PCDHGA5: variants seen among roughly 807,000 people sequenced by gnomAD.
PCDHGA5 encodes protocadherin gamma-A5.
PCDHGA5 carries 36 observed loss-of-function variants against 56.7 expected under a neutral mutation model. The observed-to-expected ratio is 0.64, with a 90% CI of 0.49 to 0.84. The LOEUF (loss-of-function observed/expected upper bound fraction) is 0.84. PCDHGA5 is among the 40% of genes least tolerant of loss of function. PCDHGA5 has a pLI of 0.00. For synonymous variants in PCDHGA5, 563 were observed against 520.2 expected (o/e 1.08, Z -1.12); for missense variants, 1,305 against 1,201.5 (o/e 1.09, Z -1.27).
chr5:141,365,669 G>A lies in PCDHGA5; in HGVS notation c.1339G>A (p.Asp447Asn), dbSNP rs1304025932. The A allele has an allele frequency of 1.2e-6, 2 of 1,613,344 alleles. No homozygotes were observed. The highest frequency in any genetic ancestry group is 3.3e-5 in the Admixed American group (2 of 59,976). Residue 447 changes from aspartate to asparagine, a missense_variant, in exon 1 of 4, where the codon GAC (aspartate) becomes AAC (asparagine). By Grantham distance (23) the Asp-to-Asn change is conservative (BLOSUM62 1). Coordinates refer to ENST00000518069, the MANE Select transcript of PCDHGA5 (RefSeq NM_018918.3). ...CCCCTTGAAAGTAGCAGACGTTAAT[G>A]ACAACCCACCCAATTTCCCTCAAGC... ...HIPLKVADVN[D>N]NPPNFPQASY...
In PCDHGA5 at chr5:141,365,803, G is replaced by A. The variant is rs138451800; in HGVS notation, c.1473G>A (p.Leu491=). The change falls in exon 1 of 4, where the codon CTG becomes CTA. Residue 491 remains leucine, a synonymous_variant. Coordinates refer to ENST00000518069, the MANE Select transcript of PCDHGA5 (RefSeq NM_018918.3). ...SGDNARVTYS[L]AEDTFQGAPL... ...ACAACGCTCGAGTCACCTACTCCCT[G>A]GCTGAAGACACATTTCAGGGGGCGC... 8,384 of 1,613,862 alleles carry A rather than the reference G, an allele frequency of 5.2e-3. 46 individuals are homozygous for A. Among genetic ancestry groups the A allele is most frequent in the Admixed American group, 9.4e-3 (566 of 60,014 alleles).
chr5:141,394,104 C>T (rs761567726), intron 1 of PCDHGA5: 1 of 1,613,824 alleles, frequency 6.2e-7, no homozygotes, highest in African/African-American at 1.3e-5. Flanking sequence ...AGGAACACCA[C>T]CTCTGTCCAC....
At chr5:141,502,542 A>G (rs2099814957) in intron 2 of PCDHGA5, among the ~76,000 whole-genome samples, 1 of 152,216 alleles carries the variant, frequency 6.6e-6, no homozygotes, top group Admixed American at 6.5e-5. Context: ...TTCGTGTGGT[A>G]AAAACAGTGT....
chr5:141,386,043 T>A (rs1356183154), intron 1 of PCDHGA5: 7 of 152,254 alleles, frequency 4.6e-5, no homozygotes, highest in Admixed American at 1.3e-4. Context: ...GGCAATTACA[T>A]GTTTTAACAG....
At chr5:141,409,351 G>A (rs756967611) in intron 1 of PCDHGA5, 7 of 1,613,982 alleles carry the variant, frequency 4.3e-6, no homozygotes, top group Non-Finnish European at 5.9e-6. Flanking sequence ...GAGAAGTCAG[G>A]TGTAATATAG....
At chr5:141,423,360 G>A (rs762976655) in intron 1 of PCDHGA5, 1 of 1,614,224 alleles carries the variant, frequency 6.2e-7, no homozygotes, top group Non-Finnish European at 8.5e-7. Context: ...TTGTCATCGT[G>A]CTGCTGGCAC....
chr5:141,511,230 C>A lies in PCDHGA5; in HGVS notation c.*57C>A. On this transcript the variant is annotated 3_prime_UTR_variant, in exon 4 of 4. Transcript: ENST00000518069. ...CCTCTCCCCAACCAGCCCAGCTTCT[C>A]CTTACCTGCACCCAGGCCTCAGAGT... 6.3e-7 allele frequency: 1 copy of A among 1,597,914 alleles called. No homozygotes were observed. The highest frequency in any genetic ancestry group is 1.1e-5 in the South Asian group (1 of 89,144).
At position 141,479,006 on chromosome 5, in the gene PCDHGA5, T is replaced by C. The variant is rs148063283; in HGVS notation, c.2422-15801T>C. On this transcript the variant is annotated intron_variant, in intron 1 of 3. Transcript: ENST00000518069. ...ACATTTGTATTAAAACTAATAGCTT[T>C]TTGATAATTTTCCTTTGTTTATACA... Among the ~76,000 whole-genome samples the C allele has an allele frequency of 1.2e-3, 179 of 152,340 alleles. 2 individuals are homozygous for C. The highest frequency in any genetic ancestry group is 0.011 in the Admixed American group (170 of 15,300).
At chr5:141,454,871 G>A (rs1337911223) in intron 1 of PCDHGA5, among the ~76,000 whole-genome samples, 2 of 129,030 alleles carry the variant, frequency 1.6e-5, no homozygotes, top group Non-Finnish European at 3.1e-5. Context: ...GCAGTGGCAC[G>A]ATCTTGGCTC....
chr5:141,428,459 A>C, intron 1 of PCDHGA5: 2 of 350,154 alleles, frequency 5.7e-6, no homozygotes, highest in Non-Finnish European at 5.5e-6. Context: ...CCCAACTACA[A>C]TGAGGGAACT....
chr5:141,404,029 C>T (rs1363448), intron 1 of PCDHGA5: 736,203 of 1,612,620 alleles, frequency 0.46, 175,243 homozygotes, highest in African/African-American at 0.8. Flanking sequence ...TGAGAGAAGA[C>T]GCACCTCAGG....
chr5:141,495,205 C>T (rs977479495), intron 2 of PCDHGA5, among the ~76,000 whole-genome samples: 1 of 152,212 alleles, frequency 6.6e-6, no homozygotes, highest in African/African-American at 2.4e-5. Flanking sequence ...TACTGCCTAA[C>T]CCCCTCCCCT....
chr5:141,370,319 C>T (rs1357424627), intron 1 of PCDHGA5: 1 of 1,336,732 alleles, frequency 7.5e-7, no homozygotes, highest in Non-Finnish European at 1.0e-6. Context: ...ATAGTTGGTC[C>T]TGCTCGGAGA....
rs761258930 is a variant in PCDHGA5, at chr5:141,365,365, C to T, written c.1035C>T (p.Pro345=). ...TACAGGACGTGAATGACAATGCCCC[C>T]GAAGTGATCCTCACCTCTCTGACCA... The part of the protein sequence containing the change: ...VTVQDVNDNA[P]EVILTSLTSS... The change falls in exon 1 of 4, where the codon CCC becomes CCT. Residue 345 remains proline, a synonymous_variant. Coordinates refer to ENST00000518069, the MANE Select transcript of PCDHGA5 (RefSeq NM_018918.3). The T allele has an allele frequency of 1.4e-5, 23 of 1,613,810 alleles. No homozygotes were observed. Among genetic ancestry groups the T allele is most frequent in the Non-Finnish European group, 1.9e-5 (22 of 1,179,894 alleles).
At chr5:141,460,965 G>A (rs1398642676) in intron 1 of PCDHGA5, among the ~76,000 whole-genome samples, 21 of 114,476 alleles carry the variant, frequency 1.8e-4, no homozygotes, top group African/African-American at 8.5e-4. Flanking sequence ...ATATATATGT[G>A]TGTGTGTGTG....
chr5:141,425,194 A>G (rs1464968527), intron 1 of PCDHGA5, among the ~76,000 whole-genome samples: 1 of 152,206 alleles, frequency 6.6e-6, no homozygotes, highest in Non-Finnish European at 1.5e-5. Context: ...CAAACTGAGA[A>G]AAATGATGTA....
chr5:141,399,173 T>C, intron 1 of PCDHGA5: 1 of 1,613,830 alleles, frequency 6.2e-7, no homozygotes, highest in East Asian at 2.2e-5. Context: ...CATTCTCTAC[T>C]TGAAATGATT....
At chr5:141,425,918 CG>C (rs2096903264) in intron 1 of PCDHGA5, among the ~76,000 whole-genome samples, 1 of 152,200 alleles carries the variant, frequency 6.6e-6, no homozygotes, top group Admixed American at 6.5e-5. Context: ...ACAGTCACTA[CG>C]AAAACTCATA....
chr5:141,402,402 T>TTAAGATAC (rs1275769528), intron 1 of PCDHGA5, among the ~76,000 whole-genome samples: 2 of 152,012 alleles, frequency 1.3e-5, no homozygotes, highest in South Asian at 4.1e-4. Context: ...CAGAAAATTG[T>TTAAGATAC]TAAGATACAC....
Sources: allele counts gnomAD v4.1 joint callset (sites outside exome capture counted in the v4.1 genomes callset), GRCh38; gene constraint gnomAD v4.1.1; transcripts MANE v1.5; gene names NCBI Gene and HGNC (gene_info 2026-07-23, HGNC 2026-07-21).